The following SNX13 variants were observed in gnomAD, a reference collection of about 807,000 sequenced individuals.
The protein encoded by SNX13 is sorting nexin-13.
In SNX13, 45 loss-of-function variants were observed where a neutral mutation model predicts 133.6. The ratio of observed to expected loss-of-function variants is 0.34; its 90% CI spans 0.27 to 0.43. SNX13 has a LOEUF of 0.43. SNX13 is among the 20% of genes least tolerant of loss of function. The pLI is 1.00. For missense variants in SNX13, 1,032 were observed against 1,145.1 expected (o/e 0.90, Z 1.43); for synonymous variants, 414 against 373.9 (o/e 1.11, Z -1.24).
At chr7:17,831,944 A>G in intron 15 of SNX13, 1 of 983,966 alleles carries the variant, frequency 1.0e-6, no homozygotes, top group Non-Finnish European at 1.2e-6. Context: ...GTTTCATATT[A>G]TACCCATCAC....
intron 20 of SNX13, among the ~76,000 whole-genome samples, chr7:17,804,234 G>C (rs56686049): frequency 6.6e-6 from 1 of 152,024 alleles, no homozygotes; most frequent in African/African-American, 2.4e-5. Flanking sequence ...TTCCAAAACA[G>C]AAATTGATGC....
At position 17,827,976 on chromosome 7, in the gene SNX13, C is replaced by G. The variant is rs148795534; in HGVS notation, c.1636-1885G>C. Among the ~76,000 whole-genome samples, 722 of 151,742 alleles carry G rather than the reference C, an allele frequency of 4.8e-3. 3 individuals carry two copies. The highest frequency in any genetic ancestry group is 0.017 in the African/African-American group (687 of 41,502). Reference sequence around the variant, plus strand: ...AAAATAATCTATTTTTTTAAAAAAGCATTATTAATAATGGTAACCTTCCCT... The same window carrying G: ...AAAATAATCTATTTTTTTAAAAAAGGATTATTAATAATGGTAACCTTCCCT... On this transcript the variant is annotated intron_variant, in intron 16 of 25. Coordinates refer to ENST00000428135, the MANE Select transcript of SNX13 (RefSeq NM_015132.5).
chr7:17,929,976 C>T (rs1253495189), intron 1 of SNX13, among the ~76,000 whole-genome samples: 1 of 152,094 alleles, frequency 6.6e-6, no homozygotes, highest in Non-Finnish European at 1.5e-5. Context: ...TTTAAAACTA[C>T]CTCAATCAAA....
At chr7:17,829,289 G>A (rs1415141332) in intron 16 of SNX13, among the ~76,000 whole-genome samples, 2 of 151,402 alleles carry the variant, frequency 1.3e-5, no homozygotes, top group East Asian at 3.9e-4. Context: ...CAGCCAAACT[G>A]GACTGAAACC....
At chr7:17,897,535 A>G (rs1797340033) in intron 1 of SNX13, 89 bp from the exon 2 acceptor site, 2 of 684,124 alleles carry the variant, frequency 2.9e-6, no homozygotes, top group Non-Finnish European at 4.6e-6. Flanking sequence ...ATAGTTTTAA[A>G]TTTCTTCTTG....
intron 9 of SNX13, among the ~76,000 whole-genome samples, chr7:17,852,538 T>C (rs527925294): frequency 5.3e-5 from 8 of 151,234 alleles, no homozygotes; most frequent in Non-Finnish European, 8.9e-5. Flanking sequence ...ATTGGAGGAG[T>C]TCAAGAAAGA....
intron 8 of SNX13, among the ~76,000 whole-genome samples, chr7:17,870,198 G>C (rs201120545): frequency 2.0e-5 from 3 of 152,030 alleles, no homozygotes; most frequent in Admixed American, 1.3e-4. Flanking sequence ...CAAAATCATT[G>C]AAGCCATATC....
At chr7:17,888,546 A>C (rs896981476) in intron 5 of SNX13, 4 of 362,134 alleles carry the variant, frequency 1.1e-5, no homozygotes, top group African/African-American at 8.6e-5. Context: ...ATAACATTAG[A>C]CTAACCACTT....
chr7:17,874,973 TTTGC>T (rs1794550899), intron 7 of SNX13, among the ~76,000 whole-genome samples: 1 of 152,170 alleles, frequency 6.6e-6, no homozygotes. Context: ...TCATAAAATG[TTTGC>T]GTTTGCTATA....
At chr7:17,872,744 A>G (rs187056076) in intron 8 of SNX13, among the ~76,000 whole-genome samples, 234 of 152,374 alleles carry the variant, frequency 1.5e-3, no homozygotes, top group African/African-American at 5.2e-3. Flanking sequence ...ATTTTGCAGG[A>G]CAGACTAAAG....
At chr7:17,877,045 G>GGAA (rs1794806802) in intron 5 of SNX13, among the ~76,000 whole-genome samples, 1 of 60,068 alleles carries the variant, frequency 1.7e-5, no homozygotes, top group Non-Finnish European at 3.6e-5. Context: ...GTTACTTTTT[G>GGAA]AAAAAAAAAA....
At chr7:17,834,663 C>A in intron 14 of SNX13, 98 bp downstream of exon 14, 1 of 668,840 alleles carries the variant, frequency 1.5e-6, no homozygotes, top group Non-Finnish European at 2.4e-6. Flanking sequence ...CTTTTTAATA[C>A]CACTCTACTT....
At chr7:17,838,293 C>T (rs544535324) in intron 13 of SNX13, among the ~76,000 whole-genome samples, 59 of 152,016 alleles carry the variant, frequency 3.9e-4, no homozygotes, top group African/African-American at 6.0e-4. Flanking sequence ...TATTTGCTTA[C>T]TCCTTTTAAT....
intron 12 of SNX13, 124 bp from the exon 13 acceptor site, chr7:17,840,124 GT>G: frequency 1.4e-6 from 1 of 720,712 alleles, no homozygotes; most frequent in Non-Finnish European, 2.0e-6. Context: ...TTTTGAAAAT[GT>G]TTTAGCAAAT....
intron 16 of SNX13, among the ~76,000 whole-genome samples, chr7:17,827,671 T>C (rs899759720): frequency 1.3e-5 from 2 of 151,934 alleles, no homozygotes; most frequent in African/African-American, 4.8e-5. Context: ...ACTTTAACCA[T>C]ATCAACTACT....
At chr7:17,833,409 GAGGCTTGAAGAATTT>G (rs1788748143) in intron 15 of SNX13, among the ~76,000 whole-genome samples, 2 of 151,788 alleles carry the variant, frequency 1.3e-5, no homozygotes, top group South Asian at 4.1e-4. Context: ...TCAGAAAAAT[GAGGCTTGAAGAATTT>G]AAGCAGTTGG....
intron 19 of SNX13, 96 bp downstream of exon 19, chr7:17,816,086 T>G (rs1053177487): frequency 7.5e-7 from 1 of 1,340,662 alleles, no homozygotes; most frequent in Non-Finnish European, 9.9e-7. Flanking sequence ...GTGATTACAG[T>G]AAAAACATTC....
intron 1 of SNX13, among the ~76,000 whole-genome samples, chr7:17,934,997 C>G (rs1801857919): frequency 6.6e-6 from 1 of 152,146 alleles, no homozygotes; most frequent in African/African-American, 2.4e-5. Context: ...AAAAATAAAA[C>G]TACCATACAA....
At chr7:17,940,221 G>T (rs1008971126) in intron 1 of SNX13, 63 bp downstream of exon 1, 2 of 1,549,960 alleles carry the variant, frequency 1.3e-6, no homozygotes, top group African/African-American at 2.7e-5. Flanking sequence ...GATGTTCTCT[G>T]ACGGGCTGGC....
Sources: gnomAD v4.1 joint callset for allele counts (sites outside exome capture counted in the v4.1 genomes callset) on GRCh38, gnomAD v4.1.1 for gene constraint, MANE v1.5 for transcripts, NCBI Gene and HGNC (gene_info 2026-07-23, HGNC 2026-07-21) for gene names.